The following CDYL2 variants were observed in gnomAD, a reference collection of about 807,000 sequenced individuals.
The protein encoded by CDYL2 is chromodomain Y-like protein 2.
Under a neutral mutation model 49.4 loss-of-function variants are expected in CDYL2, and 23 were observed. That is an observed-to-expected ratio of 0.47 (90% CI 0.34 to 0.66). CDYL2 has a LOEUF of 0.66. Ranked by LOEUF, CDYL2 falls within the 30% of genes least tolerant of loss-of-function variation. The pLI, the probability that CDYL2 is intolerant of heterozygous loss-of-function variation, is 0.01. For missense variants in CDYL2, 678 were observed against 656.4 expected (o/e 1.03, Z -0.36); for synonymous variants, 360 against 268.8 (o/e 1.34, Z -3.32).
intron 1 of CDYL2, among the ~76,000 whole-genome samples, chr16:80,699,316 G>T (rs1005790312): frequency 6.6e-6 from 1 of 152,126 alleles, no homozygotes; most frequent in African/African-American, 2.4e-5. Context: ...TATATACAAT[G>T]CAATACTATT....
chr16:80,646,033 C>T (rs957992516), intron 2 of CDYL2, among the ~76,000 whole-genome samples: 1 of 149,556 alleles, frequency 6.7e-6, no homozygotes, highest in Non-Finnish European at 1.5e-5. Flanking sequence ...AGGAGATATA[C>T]CTAATGTAAA....
At position 80,740,318 on chromosome 16, in the gene CDYL2, G is replaced by A. The variant is rs192019510; in HGVS notation, c.25-55189C>T. The stretch of plus-strand genomic sequence containing the variant: ...TCTCATTCTTTATTTTCACTTCTAC[G>A]GTGGAGGAGGTTGTGAAGTGAGTAT... On this transcript the variant is annotated intron_variant, in intron 1 of 6. Coordinates refer to ENST00000570137, the MANE Select transcript of CDYL2 (RefSeq NM_152342.4). 9.5e-4 allele frequency among the ~76,000 whole-genome samples: 144 copies of A among 152,192 alleles called. 1 individual carries two copies. The highest frequency in any genetic ancestry group is 3.3e-3 in the African/African-American group (137 of 41,528).
intron 2 of CDYL2, among the ~76,000 whole-genome samples, chr16:80,665,215 C>A (rs1909209616): frequency 6.6e-6 from 1 of 152,174 alleles, no homozygotes; most frequent in South Asian, 2.1e-4. Context: ...CCCCTCTCCT[C>A]TTTGCCTGAT....
At chr16:80,779,490 T>C (rs2142403257) in intron 1 of CDYL2, among the ~76,000 whole-genome samples, 1 of 152,234 alleles carries the variant, frequency 6.6e-6, no homozygotes, top group East Asian at 1.9e-4. Flanking sequence ...ACCAAGGGCA[T>C]ACTCATTGAC....
chr16:80,756,175 C>T (rs952892159), intron 1 of CDYL2, among the ~76,000 whole-genome samples: 1 of 151,832 alleles, frequency 6.6e-6, no homozygotes, highest in African/African-American at 2.4e-5. Context: ...AAGAGAACAA[C>T]AAAATAAAAA....
At chr16:80,713,737 G>T (rs1316900864) in intron 1 of CDYL2, among the ~76,000 whole-genome samples, 1 of 152,124 alleles carries the variant, frequency 6.6e-6, no homozygotes, top group Non-Finnish European at 1.5e-5. Flanking sequence ...CCATAGGGAA[G>T]TGACCCTATG....
Position 80,633,025 on chromosome 16 carries a change from T to A in CDYL2, c.828A>T (p.Thr276=). ...SSQTSDNNAL[T]PEIMKEVRRA... The stretch of plus-strand genomic sequence containing the variant: ...TCTGGCCGCCACCCCTTACCTCAGG[T>A]GTCAGGGCATTGTTATCCGAGGTCT... The change falls in exon 3 of 7, where the codon ACA becomes ACT. Residue 276 remains threonine, a synonymous_variant. Coordinates refer to ENST00000570137, the MANE Select transcript of CDYL2 (RefSeq NM_152342.4). 1 of 1,613,464 alleles carries A rather than the reference T, an allele frequency of 6.2e-7. No individual in the cohort carries two copies. Among genetic ancestry groups the A allele is most frequent in the Non-Finnish European group, 8.5e-7 (1 of 1,179,468 alleles).
At chr16:80,697,158 A>T (rs1904279989) in intron 1 of CDYL2, among the ~76,000 whole-genome samples, 1 of 152,242 alleles carries the variant, frequency 6.6e-6, no homozygotes, top group South Asian at 2.1e-4. Context: ...ATGAACGTAG[A>T]TGCAAAAATC....
chr16:80,607,401 C>CA (rs1480514334), intron 6 of CDYL2, among the ~76,000 whole-genome samples: 1 of 152,160 alleles, frequency 6.6e-6, no homozygotes, highest in Non-Finnish European at 1.5e-5. Context: ...AAAATGCACG[C>CA]AGCAGCTCCC....
chr16:80,655,781 G>A (rs546858912), intron 2 of CDYL2, among the ~76,000 whole-genome samples: 53 of 152,262 alleles, frequency 3.5e-4, no homozygotes, highest in Non-Finnish European at 6.0e-4. Context: ...TGGCTGAAAC[G>A]GGCCTTCTCT....
At chr16:80,629,978 G>C (rs1907483962) in intron 3 of CDYL2, among the ~76,000 whole-genome samples, 1 of 152,158 alleles carries the variant, frequency 6.6e-6, no homozygotes, top group South Asian at 2.1e-4. Flanking sequence ...TTCTATAAAG[G>C]AGGAAGCTCA....
chr16:80,628,997 G>A (rs1364248812), intron 3 of CDYL2, among the ~76,000 whole-genome samples: 1 of 152,142 alleles, frequency 6.6e-6, no homozygotes, highest in Admixed American at 6.5e-5. Context: ...TCCAGTCAGA[G>A]CACATATAAA....
At chr16:80,727,835 G>T (rs1210593207) in intron 1 of CDYL2, among the ~76,000 whole-genome samples, 2 of 152,180 alleles carry the variant, frequency 1.3e-5, no homozygotes, top group African/African-American at 4.8e-5. Flanking sequence ...CCCAGCAGGG[G>T]CAGACTAACA....
chr16:80,742,401 C>T (rs1333596024), intron 1 of CDYL2: 1 of 149,100 alleles, frequency 6.7e-6, no homozygotes, highest in Non-Finnish European at 1.5e-5. Context: ...AGGGGATGAA[C>T]GAGTGGATAT....
rs765243600 is a variant in CDYL2, at chr16:80,780,506, G to A, written c.24+23644C>T. Among the ~76,000 whole-genome samples, 3 of 141,924 alleles carry A rather than the reference G, an allele frequency of 2.1e-5. No homozygotes were observed. In the East Asian group the frequency reaches 6.5e-4, roughly 31 times the overall value. The allele number at this position is 141,924 out of a possible 152,430, so 93.1% of individuals were successfully genotyped here. On this transcript the variant is annotated intron_variant, in intron 1 of 6. Coordinates refer to ENST00000570137, the MANE Select transcript of CDYL2 (RefSeq NM_152342.4). Reference sequence around the variant, plus strand: ...TGCAAGCTCCGCCTCCCAGGTTCACGCCATTCTCCTGCCTCAGCCTCCCAA... The same window carrying A: ...TGCAAGCTCCGCCTCCCAGGTTCACACCATTCTCCTGCCTCAGCCTCCCAA...
At chr16:80,636,012 T>G (rs1197647802) in intron 2 of CDYL2, among the ~76,000 whole-genome samples, 1 of 152,230 alleles carries the variant, frequency 6.6e-6, no homozygotes, top group Non-Finnish European at 1.5e-5. Flanking sequence ...GCTAGCCATA[T>G]GCAGAAAACT....
chr16:80,643,550 C>T (rs748839041), intron 2 of CDYL2, among the ~76,000 whole-genome samples: 20 of 152,382 alleles, frequency 1.3e-4, no homozygotes, highest in Non-Finnish European at 2.1e-4. Flanking sequence ...GAGAGCCCTG[C>T]CCCTGCAGCA....
chr16:80,791,673 T>C (rs1567607770), intron 1 of CDYL2, among the ~76,000 whole-genome samples: 1 of 152,118 alleles, frequency 6.6e-6, no homozygotes, highest in Non-Finnish European at 1.5e-5. Context: ...TTTGGAAGGA[T>C]ATGATTAAAG....
intron 1 of CDYL2, among the ~76,000 whole-genome samples, chr16:80,745,926 C>T (rs1321449546): frequency 2.0e-5 from 3 of 152,122 alleles, no homozygotes; most frequent in South Asian, 2.1e-4. Context: ...AACACGTGGC[C>T]GCGACCCAAC....
Sources: gnomAD v4.1 joint callset for allele counts (sites outside exome capture counted in the v4.1 genomes callset) on GRCh38, gnomAD v4.1.1 for gene constraint, MANE v1.5 for transcripts, NCBI Gene and HGNC (gene_info 2026-07-23, HGNC 2026-07-21) for gene names.